The following ZSCAN25 variants were observed in gnomAD, a reference collection of about 807,000 sequenced individuals.
ZSCAN25 encodes zinc finger and SCAN domain containing 25.
ZSCAN25 carries 27 observed loss-of-function variants against 38.7 expected under a neutral mutation model. The observed-to-expected ratio is 0.70, with a 90% CI of 0.51 to 0.96. The LOEUF (loss-of-function observed/expected upper bound fraction) is 0.96, where lower values mean the gene tolerates loss of function less well. Ranked by LOEUF, ZSCAN25 falls within the 40% of genes least tolerant of loss-of-function variation. The pLI is 0.00. For synonymous variants in ZSCAN25, 273 were observed against 277.7 expected (o/e 0.98, Z 0.17); for missense variants, 637 against 705.9 (o/e 0.90, Z 1.11).
the ZSCAN25 span, among the ~76,000 whole-genome samples, chr7:99,678,277 C>T: frequency 2.0e-5 from 3 of 152,196 alleles, no homozygotes; most frequent in Admixed American, 6.5e-5. Context: ...TTTGAGTGAC[C>T]TCCACGGTGG....
the ZSCAN25 span, chr7:99,666,718 GT>G: frequency 1.9e-6 from 3 of 1,613,980 alleles, no homozygotes; most frequent in Non-Finnish European, 1.7e-6. Context: ...AGTACCTGTA[GT>G]TAAATGTGCA....
At chr7:99,725,933 A>T in the ZSCAN25 span, among the ~76,000 whole-genome samples, 1 of 152,108 alleles carries the variant, frequency 6.6e-6, no homozygotes, top group Admixed American at 6.5e-5. Context: ...CCAGGTTTCT[A>T]AACCTCTTAA....
At chr7:99,675,614 CT>C in the ZSCAN25 span, among the ~76,000 whole-genome samples, 1 of 144,454 alleles carries the variant, frequency 6.9e-6, no homozygotes, top group Admixed American at 6.9e-5. Flanking sequence ...CCTCTCCTCT[CT>C]CCTCTCCTTT....
At chr7:99,699,941 G>C in the ZSCAN25 span, 9 of 1,518,856 alleles carry the variant, frequency 5.9e-6, no homozygotes, top group Non-Finnish European at 7.3e-6. Context: ...TAACAGAGGA[G>C]AGGAATCTGG....
chr7:99,720,862 G>A, the ZSCAN25 span: 2 of 179,142 alleles, frequency 1.1e-5, no homozygotes, highest in African/African-American at 4.7e-5. Context: ...AAGGGCAGTT[G>A]CTGTGGGGCC....
chr7:99,620,095 G>A (rs2151255011), intron 4 of ZSCAN25, 102 bp downstream of exon 4: 1 of 1,430,410 alleles, frequency 7.0e-7, no homozygotes, highest in Non-Finnish European at 9.2e-7. Flanking sequence ...GAGGTGTGGA[G>A]CCGCCCTCCT....
At chr7:99,671,727 C>A in the ZSCAN25 span, 1 of 679,102 alleles carries the variant, frequency 1.5e-6, no homozygotes, top group South Asian at 1.6e-5. Flanking sequence ...AATATTAATA[C>A]ATTGGCCTCC....
chr7:99,733,171 C>A, the ZSCAN25 span, among the ~76,000 whole-genome samples: 1 of 152,210 alleles, frequency 6.6e-6, no homozygotes, highest in South Asian at 2.1e-4. Flanking sequence ...ACTCCTGTTC[C>A]TTCCTTTGTT....
chr7:99,736,180 C>T, the ZSCAN25 span, among the ~76,000 whole-genome samples: 1 of 152,176 alleles, frequency 6.6e-6, no homozygotes, highest in African/African-American at 2.4e-5. Context: ...GTGGCCCCTT[C>T]TCTCTGGAAA....
the ZSCAN25 span, chr7:99,717,316 C>T: frequency 6.2e-7 from 1 of 1,613,392 alleles, no homozygotes; most frequent in Non-Finnish European, 8.5e-7. Context: ...GACATAAGTC[C>T]CAGAAGGACA....
chr7:99,706,982 T>C, the ZSCAN25 span, among the ~76,000 whole-genome samples: 1 of 152,228 alleles, frequency 6.6e-6, no homozygotes, highest in South Asian at 2.1e-4. Context: ...TAATGGCAAA[T>C]TATGAAATTA....
chr7:99,676,107 C>G, the ZSCAN25 span: 1 of 1,612,452 alleles, frequency 6.2e-7, no homozygotes, highest in Non-Finnish European at 8.5e-7. Context: ...GAAGCTCAAG[C>G]AACTCACCTG....
At chr7:99,710,732 C>G in the ZSCAN25 span, 1 of 1,613,806 alleles carries the variant, frequency 6.2e-7, no homozygotes, top group Non-Finnish European at 8.5e-7. Flanking sequence ...GTCCACTCAC[C>G]TTATTGGGTA....
the ZSCAN25 span, among the ~76,000 whole-genome samples, chr7:99,650,423 A>G: frequency 6.6e-6 from 1 of 152,180 alleles, no homozygotes; most frequent in African/African-American, 2.4e-5. Flanking sequence ...CAGGTCCTTT[A>G]AATTCTCCAT....
chr7:99,664,507 G>T, the ZSCAN25 span, among the ~76,000 whole-genome samples: 2 of 152,128 alleles, frequency 1.3e-5, no homozygotes, highest in African/African-American at 4.8e-5. Context: ...AATAAAACTA[G>T]AAATCAATAA....
At chr7:99,656,000 A>G in the ZSCAN25 span, among the ~76,000 whole-genome samples, 3 of 152,222 alleles carry the variant, frequency 2.0e-5, no homozygotes, top group Non-Finnish European at 4.4e-5. Flanking sequence ...GGGGTTTTCT[A>G]GATATACAAT....
At chr7:99,684,135 A>G in the ZSCAN25 span, among the ~76,000 whole-genome samples, 1 of 151,684 alleles carries the variant, frequency 6.6e-6, no homozygotes, top group Non-Finnish European at 1.5e-5. Flanking sequence ...ATTCAGTTGT[A>G]TGTTATAAAA....
the ZSCAN25 span, among the ~76,000 whole-genome samples, chr7:99,706,217 A>G: frequency 6.6e-6 from 1 of 152,196 alleles, no homozygotes; most frequent in Non-Finnish European, 1.5e-5. Context: ...TTTCTTATTG[A>G]GACACTCCTT....
chr7:99,656,813 A>T, the ZSCAN25 span, among the ~76,000 whole-genome samples: 1 of 151,822 alleles, frequency 6.6e-6, no homozygotes, highest in Admixed American at 6.6e-5. Context: ...GTCTTGGGAG[A>T]GTGTATGTGT....
Sources: allele counts gnomAD v4.1 joint callset (sites outside exome capture counted in the v4.1 genomes callset), GRCh38; gene constraint gnomAD v4.1.1; transcripts MANE v1.5; gene names NCBI Gene and HGNC (gene_info 2026-07-23, HGNC 2026-07-21).